Variants in EPHA3 observed in about 807,000 individuals in gnomAD.
The protein encoded by EPHA3 is ephrin type-A receptor 3.
A neutral mutation model predicts 107.1 loss-of-function variants in EPHA3; 42 were observed. The ratio of observed to expected loss-of-function variants is 0.39; its 90% CI spans 0.31 to 0.51. EPHA3 has a LOEUF of 0.51. EPHA3 is among the 20% of genes least tolerant of loss of function. The probability of loss-of-function intolerance (pLI) is 0.78; values close to 1 mark genes in which losing one functional copy is unlikely to be tolerated. For synonymous variants in EPHA3, 461 were observed against 424.8 expected, an observed-to-expected ratio of 1.09 and a Z score of -1.05; for missense variants, 1,183 against 1,211.2, an observed-to-expected ratio of 0.98 and a Z score of 0.35.
intron 6 of EPHA3, 81 bp from the exon 7 acceptor site, chr3:89,399,237 G>C: frequency 7.9e-7 from 1 of 1,259,126 alleles, no homozygotes; most frequent in Non-Finnish European, 1.1e-6. Context: ...AAAGAATCAG[G>C]TTTGAGTGGT....
intron 15 of EPHA3, among the ~76,000 whole-genome samples, chr3:89,459,099 G>A (rs1034372219): frequency 6.6e-6 from 1 of 152,104 alleles, no homozygotes; most frequent in African/African-American, 2.4e-5. Context: ...AAACCTAGAT[G>A]ATGTGTTGAT....
chr3:89,267,032 T>C (rs867307787), intron 3 of EPHA3, among the ~76,000 whole-genome samples: 1 of 152,078 alleles, frequency 6.6e-6, no homozygotes, highest in Non-Finnish European at 1.5e-5. Flanking sequence ...TCTCATATTA[T>C]GCTTGGATGC....
chr3:89,116,719 T>TAAAAAAAAAAAAAAAAA (rs140739470), intron 1 of EPHA3, among the ~76,000 whole-genome samples: 1 of 132,570 alleles, frequency 7.5e-6, no homozygotes, highest in Non-Finnish European at 1.6e-5. Context: ...ACTGTAACAT[T>TAAAAAAAAAAAAAAAAA]AAAAAAAAAA....
intron 3 of EPHA3, among the ~76,000 whole-genome samples, chr3:89,322,699 C>A (rs1311635944): frequency 2.0e-5 from 3 of 152,000 alleles, no homozygotes; most frequent in Non-Finnish European, 4.4e-5. Context: ...CAGCTTTGAG[C>A]TACAAAGTCA....
At position 89,175,428 on chromosome 3, in the gene EPHA3, C is replaced by G. The variant is rs185363752; in HGVS notation, c.154-34432C>G. ...ACTATTCATTTAAATTTGTGGCTTA[C>G]AAGTGTAGTGTAAAGTCACTGGTCA... On this transcript the variant is annotated intron_variant, in intron 2 of 16. Transcript: ENST00000336596. 3.9e-5 allele frequency among the ~76,000 whole-genome samples: 6 copies of G among 152,156 alleles called. No homozygotes were observed. In the East Asian group the frequency reaches 1.2e-3, roughly 29 times the overall value.
intron 3 of EPHA3, among the ~76,000 whole-genome samples, chr3:89,259,277 G>A (rs1026343330): frequency 6.6e-6 from 1 of 152,048 alleles, no homozygotes; most frequent in Non-Finnish European, 1.5e-5. Flanking sequence ...CCATCCTTGG[G>A]GCTCTGTGTT....
chr3:89,126,548 A>T (rs1576167253), intron 1 of EPHA3, among the ~76,000 whole-genome samples: 1 of 151,698 alleles, frequency 6.6e-6, no homozygotes, highest in Non-Finnish European at 1.5e-5. Flanking sequence ...GAGTAAAACC[A>T]CTAAAGCCTT....
intron 3 of EPHA3, among the ~76,000 whole-genome samples, chr3:89,259,492 T>A (rs1705366078): frequency 1.3e-5 from 2 of 152,226 alleles, no homozygotes; most frequent in African/African-American, 2.4e-5. Context: ...ATGTCTGCAC[T>A]GGAAGTTTTT....
intron 15 of EPHA3, among the ~76,000 whole-genome samples, chr3:89,457,647 A>G (rs1024615048): frequency 6.6e-5 from 10 of 152,206 alleles, no homozygotes; most frequent in African/African-American, 2.4e-4. Flanking sequence ...AGGTGATGGA[A>G]GACTAAATGT....
chr3:89,265,954 GATTTGATTGAAA>G (rs567333182), intron 3 of EPHA3, among the ~76,000 whole-genome samples: 3 of 152,084 alleles, frequency 2.0e-5, no homozygotes, highest in Admixed American at 6.6e-5. Context: ...AAAGTTTTAG[GATTTGATTGAAA>G]ATTTGCTTAG....
At chr3:89,357,353 C>G (rs1397973031) in intron 5 of EPHA3, among the ~76,000 whole-genome samples, 1 of 150,764 alleles carries the variant, frequency 6.6e-6, no homozygotes, top group African/African-American at 2.4e-5. Context: ...TAGTGGTTGA[C>G]TTTTTCTACA....
At chr3:89,233,133 G>A (rs1704675741) in intron 3 of EPHA3, among the ~76,000 whole-genome samples, 1 of 152,182 alleles carries the variant, frequency 6.6e-6, no homozygotes, top group African/African-American at 2.4e-5. Flanking sequence ...TAGAATTTAG[G>A]AGAATAGCTT....
At chr3:89,393,292 G>T (rs7649748) in intron 5 of EPHA3, among the ~76,000 whole-genome samples, 2,443 of 152,268 alleles carry the variant, frequency 0.016, 69 homozygotes, top group African/African-American at 0.056. Flanking sequence ...CCTGCAGCTT[G>T]CTCAAAGAGC....
chr3:89,173,522 A>G (rs1705253894), intron 2 of EPHA3, among the ~76,000 whole-genome samples: 1 of 152,084 alleles, frequency 6.6e-6, no homozygotes, highest in South Asian at 2.1e-4. Context: ...TCAATATCCT[A>G]AAGAAAAAAA....
intron 10 of EPHA3, among the ~76,000 whole-genome samples, chr3:89,416,821 A>G (rs532671162): frequency 6.6e-6 from 1 of 151,562 alleles, no homozygotes; most frequent in African/African-American, 2.4e-5. Context: ...CTTACAACAA[A>G]GAACACTCTT....
At chr3:89,308,826 T>C (rs1005526115) in intron 3 of EPHA3, among the ~76,000 whole-genome samples, 2 of 152,080 alleles carry the variant, frequency 1.3e-5, no homozygotes, top group African/African-American at 4.8e-5. Flanking sequence ...TAACATTGAA[T>C]TAACGAAGAA....
At chr3:89,129,841 TA>T (rs551354936) in intron 2 of EPHA3, among the ~76,000 whole-genome samples, 5 of 151,882 alleles carry the variant, frequency 3.3e-5, no homozygotes, top group East Asian at 1.9e-4. Flanking sequence ...ACGTTTTTCA[TA>T]AAAAAAAGAC....
Position 89,239,056 on chromosome 3 carries a change from G to A in EPHA3, c.814+28536G>A, listed in dbSNP as rs182823953. On this transcript the variant is annotated intron_variant, in intron 3 of 16. Transcript: ENST00000336596. Reference sequence around the variant, plus strand: ...ACATTCCCATGCTCAAGAATATGACGTAAGAAGTCACACAGTATGCGAGAG... The same window carrying A: ...ACATTCCCATGCTCAAGAATATGACATAAGAAGTCACACAGTATGCGAGAG... Among the ~76,000 whole-genome samples the A allele has an allele frequency of 1.2e-4, 18 of 152,222 alleles. No individual in the cohort carries two copies. In the East Asian group the frequency reaches 3.3e-3, roughly 28 times the overall value.
chr3:89,190,471 TG>T, intron 2 of EPHA3, among the ~76,000 whole-genome samples: 1 of 152,298 alleles, frequency 6.6e-6, no homozygotes, highest in South Asian at 2.1e-4. Flanking sequence ...GTATAAATAT[TG>T]TTACAAGATA....
Sources: gnomAD v4.1 joint callset for allele counts (sites outside exome capture counted in the v4.1 genomes callset) on GRCh38, gnomAD v4.1.1 for gene constraint, MANE v1.5 for transcripts, NCBI Gene and HGNC (gene_info 2026-07-23, HGNC 2026-07-21) for gene names.